CSNK1G1: variants seen among roughly 807,000 people sequenced by gnomAD.
CSNK1G1 encodes casein kinase 1 gamma 1.
Under a neutral mutation model 59.6 loss-of-function variants are expected in CSNK1G1, and 22 were observed. The ratio of observed to expected loss-of-function variants is 0.37; its 90% CI spans 0.26 to 0.53. The LOEUF (loss-of-function observed/expected upper bound fraction) is 0.53, where lower values mean the gene tolerates loss of function less well. Ranked by LOEUF, CSNK1G1 falls within the 20% of genes least tolerant of loss-of-function variation. The pLI, the probability that CSNK1G1 is intolerant of heterozygous loss-of-function variation, is 0.89. For missense variants in CSNK1G1, 384 were observed against 519.5 expected (o/e 0.74, Z 2.54); for synonymous variants, 179 against 177.1 (o/e 1.01, Z -0.08).
At chr15:64,294,321 A>C (rs1596234516) in intron 2 of CSNK1G1, among the ~76,000 whole-genome samples, 1 of 152,002 alleles carries the variant, frequency 6.6e-6, no homozygotes, top group East Asian at 1.9e-4. Flanking sequence ...TGATCCGCCC[A>C]CCTCGGCCTC....
At chr15:64,256,432 T>C (rs1231352605) in intron 3 of CSNK1G1, among the ~76,000 whole-genome samples, 1 of 152,196 alleles carries the variant, frequency 6.6e-6, no homozygotes, top group African/African-American at 2.4e-5. Flanking sequence ...ACATCACATA[T>C]ATTCAGACAT....
chr15:64,278,430 ATAT>A (rs1566931064), intron 2 of CSNK1G1, among the ~76,000 whole-genome samples: 6 of 121,002 alleles, frequency 5.0e-5, no homozygotes, highest in African/African-American at 6.6e-5. Flanking sequence ...ATATATATAT[ATAT>A]TTTTTTTTTT....
At position 64,203,119 on chromosome 15, in the gene CSNK1G1, C is replaced by A. The variant is rs1185876065; in HGVS notation, c.1070G>T (p.Arg357Met). 3.1e-6 allele frequency: 5 copies of A among 1,613,990 alleles called. No homozygotes were observed. Among genetic ancestry groups the A allele is most frequent in the South Asian group, 2.2e-5 (2 of 91,082 alleles). ...AGGCTGCTGTTGTGATGGCCGATCC[C>A]TATGTGTGTGGCTTTCTCGAGTTAT... is the stretch of plus-strand genomic sequence containing the variant. The part of the protein sequence containing the change: ...SAITRESHTH[R>M]DRPSQQQPLR... Residue 357 changes from arginine to methionine, a missense_variant, in exon 10 of 12, where the codon AGG becomes ATG. Physicochemically the swap from Arg to Met is moderately conservative, Grantham distance 91. Coordinates refer to ENST00000303052, the MANE Select transcript of CSNK1G1 (RefSeq NM_022048.5).
chr15:64,204,806 C>G (rs2082155629), intron 8 of CSNK1G1, 59 bp downstream of exon 8: 1 of 1,252,968 alleles, frequency 8.0e-7, no homozygotes. Context: ...GATACCCAGT[C>G]ATGGACTCTA....
At chr15:64,189,434 G>A in intron 10 of CSNK1G1, 3 of 1,291,576 alleles carry the variant, frequency 2.3e-6, no homozygotes, top group Non-Finnish European at 3.0e-6. Context: ...GTGCCAGATG[G>A]CTGAGTTGTT....
Position 64,193,397 on chromosome 15 carries a change from G to C in CSNK1G1, c.1107+9685C>G, listed in dbSNP as rs564710896. On this transcript the variant is annotated intron_variant, in intron 10 of 11. Coordinates refer to ENST00000303052, the MANE Select transcript of CSNK1G1 (RefSeq NM_022048.5). ...AGTCCCAGCTACTCGGGAGGCTGAG[G>C]CAGGAGAATTGCTTGAACCTGGGAG... is the stretch of plus-strand genomic sequence containing the variant. Among the ~76,000 whole-genome samples the C allele has an allele frequency of 6.0e-5, 9 of 150,952 alleles. 1 individual carries two copies. The highest frequency in any genetic ancestry group is 1.7e-4 in the African/African-American group (7 of 40,988).
intron 11 of CSNK1G1, among the ~76,000 whole-genome samples, chr15:64,174,875 C>T (rs1044547000): frequency 1.3e-5 from 2 of 152,064 alleles, no homozygotes; most frequent in African/African-American, 2.4e-5. Context: ...TCCATGGTGA[C>T]CTCTTGGCCC....
At chr15:64,299,071 C>T (rs1301271113) in intron 2 of CSNK1G1, among the ~76,000 whole-genome samples, 2 of 151,740 alleles carry the variant, frequency 1.3e-5, no homozygotes, top group African/African-American at 4.8e-5. Context: ...AGGTAACAAA[C>T]ATAATTACAT....
intron 4 of CSNK1G1, among the ~76,000 whole-genome samples, chr15:64,225,006 C>CTTTTTTT (rs750533422): frequency 8.2e-6 from 1 of 121,852 alleles, no homozygotes; most frequent in Non-Finnish European, 1.7e-5. Flanking sequence ...ATACACTTTT[C>CTTTTTTT]TTTTTTTTTT....
At chr15:64,252,974 G>A (rs1892172651) in intron 3 of CSNK1G1, among the ~76,000 whole-genome samples, 1 of 152,182 alleles carries the variant, frequency 6.6e-6, no homozygotes, top group African/African-American at 2.4e-5. Flanking sequence ...TTCAGAGGCT[G>A]AGGCAGGAGG....
rs921527981 is a variant in CSNK1G1 at position 64,176,616 on chromosome 15, T to C, written c.1214+3732A>G. ...GGAAGGCAGCAGGGGAAAGAGCAAA[T>C]GACCCTGCCTGTAAGAACTCAATCA... On this transcript the variant is annotated intron_variant, in intron 11 of 11. Transcript: ENST00000303052. This position sits in a 1 kb window ranked among gnomAD's most constrained non-coding sequence, Gnocchi z 5.2. Among the ~76,000 whole-genome samples the C allele has an allele frequency of 1.3e-5, 2 of 152,150 alleles. No individual in the cohort carries two copies. Among genetic ancestry groups the C allele is most frequent in the African/African-American group, 4.8e-5 (2 of 41,438 alleles).
intron 2 of CSNK1G1, among the ~76,000 whole-genome samples, chr15:64,278,372 ATGTGCG>A (rs1893884353): frequency 8.4e-6 from 1 of 119,038 alleles, no homozygotes; most frequent in African/African-American, 3.0e-5. Flanking sequence ...ATATGCATGT[ATGTGCG>A]TGTGTGTGTG....
intron 4 of CSNK1G1, among the ~76,000 whole-genome samples, chr15:64,220,676 C>T (rs1567380663): frequency 6.6e-6 from 1 of 151,968 alleles, no homozygotes; most frequent in African/African-American, 2.4e-5. Context: ...ACTCTTGCCT[C>T]AGCCTCCTGA....
chr15:64,251,291 G>T, intron 4 of CSNK1G1: 1 of 420,140 alleles, frequency 2.4e-6, no homozygotes, highest in Non-Finnish European at 4.2e-6. Context: ...CTGCAGGTTG[G>T]TCTGTGGGCA....
intron 2 of CSNK1G1, among the ~76,000 whole-genome samples, chr15:64,291,696 T>C (rs1191748396): frequency 1.2e-4 from 19 of 152,224 alleles, no homozygotes; most frequent in Non-Finnish European, 2.5e-4. Context: ...CAAAATCTTA[T>C]TGAAAACTCA....
chr15:64,292,926 C>CATAA (rs199808127), intron 2 of CSNK1G1, among the ~76,000 whole-genome samples: 8,249 of 151,852 alleles, frequency 0.054, 217 homozygotes, highest in South Asian at 0.078. Flanking sequence ...GACTCCATCT[C>CATAA]ATAAATAAAT....
At chr15:64,202,319 G>T (rs1418130443) in intron 10 of CSNK1G1, among the ~76,000 whole-genome samples, 2 of 152,086 alleles carry the variant, frequency 1.3e-5, no homozygotes, top group African/African-American at 4.8e-5. Flanking sequence ...GAACTGGCAA[G>T]AGCTCTAGAC....
chr15:64,267,115 G>A (rs1401618173), intron 2 of CSNK1G1, among the ~76,000 whole-genome samples: 1 of 151,954 alleles, frequency 6.6e-6, no homozygotes, highest in South Asian at 2.1e-4. Flanking sequence ...AATTTAGCTG[G>A]GCGTGGTGGT....
At chr15:64,352,558 G>C (rs572803325) in intron 1 of CSNK1G1, among the ~76,000 whole-genome samples, 111 of 137,316 alleles carry the variant, frequency 8.1e-4, no homozygotes, top group African/African-American at 2.9e-3. Flanking sequence ...CGATTCTCTT[G>C]CCTCAGCCTC....
Sources: gnomAD v4.1 joint callset for allele counts (sites outside exome capture counted in the v4.1 genomes callset) on GRCh38, gnomAD v4.1.1 for gene constraint, Gnocchi (gnomAD v3.1) non-coding constraint, MANE v1.5 for transcripts, NCBI Gene and HGNC (gene_info 2026-07-23, HGNC 2026-07-21) for gene names.